Variants in RALGAPA2 observed in about 807,000 individuals in gnomAD.
The protein encoded by RALGAPA2 is Ral GTPase activating protein catalytic subunit alpha 2.
Under a neutral mutation model 230.4 loss-of-function variants are expected in RALGAPA2, and 139 were observed. That is an observed-to-expected ratio of 0.60 (90% CI 0.53 to 0.69). The LOEUF is 0.69. Among genes scored for constraint, RALGAPA2 ranks in the 30% least tolerant of loss-of-function variants. RALGAPA2 has a pLI of 0.00. For missense variants in RALGAPA2, 2,163 were observed against 2,276.0 expected (o/e 0.95, Z 1.01); for synonymous variants, 847 against 837.8 (o/e 1.01, Z -0.19).
intron 10 of RALGAPA2, among the ~76,000 whole-genome samples, chr20:20,625,719 T>G (rs1360064172): frequency 1.3e-5 from 2 of 152,180 alleles, no homozygotes; most frequent in Non-Finnish European, 2.9e-5. Context: ...ACTCACTAAG[T>G]TGGTTTCATG....
At chr20:20,405,429 C>A (rs1177284956) in intron 38 of RALGAPA2, among the ~76,000 whole-genome samples, 4 of 152,174 alleles carry the variant, frequency 2.6e-5, no homozygotes, top group East Asian at 1.9e-4. Context: ...CCTGCACAGT[C>A]CTGCTCAGTG....
intron 37 of RALGAPA2, among the ~76,000 whole-genome samples, chr20:20,414,003 C>T (rs554118773): frequency 2.6e-5 from 4 of 152,372 alleles, no homozygotes; most frequent in East Asian, 1.9e-4. Flanking sequence ...CGCCACGGCT[C>T]GGCCCTCCGT....
chr20:20,453,088 C>T (rs1268404804), intron 37 of RALGAPA2, among the ~76,000 whole-genome samples: 1 of 152,234 alleles, frequency 6.6e-6, no homozygotes, highest in African/African-American at 2.4e-5. Flanking sequence ...TGTGTTAAGA[C>T]ATTGCATTGC....
At chr20:20,581,675 G>C (rs1167433425) in intron 20 of RALGAPA2, among the ~76,000 whole-genome samples, 1 of 151,994 alleles carries the variant, frequency 6.6e-6, no homozygotes, top group Non-Finnish European at 1.5e-5. Context: ...AGTATTATTA[G>C]TCAAAATCAT....
chr20:20,436,042 A>G (rs1051620790), intron 37 of RALGAPA2, among the ~76,000 whole-genome samples: 2 of 152,220 alleles, frequency 1.3e-5, no homozygotes, highest in African/African-American at 4.8e-5. Context: ...TTAACCTGCA[A>G]AAGCAGCATT....
chr20:20,434,409 G>T (rs1426101447), intron 37 of RALGAPA2, among the ~76,000 whole-genome samples: 1 of 152,096 alleles, frequency 6.6e-6, no homozygotes, highest in Non-Finnish European at 1.5e-5. Flanking sequence ...AAAGCAAGCA[G>T]AAACACTCTC....
Position 20,390,312 on chromosome 20 carries a change from C to T in RALGAPA2, c.*2977G>A, listed in dbSNP as rs192064733. 2.0e-5 allele frequency: 3 copies of T among 152,318 alleles called. No homozygotes were observed. Among genetic ancestry groups the T allele is most frequent in the African/African-American group, 7.2e-5 (3 of 41,572 alleles). 9.4% of individuals were successfully genotyped at this position (152,318 alleles called of 1,614,324 possible). Reference sequence around the variant, plus strand: ...TCCCCAACATGTGGCTCTTAGGAACCGCAGACTTTGTTGCTGAGGCAACCC... The same window carrying T: ...TCCCCAACATGTGGCTCTTAGGAACTGCAGACTTTGTTGCTGAGGCAACCC... On this transcript the variant is annotated 3_prime_UTR_variant, in exon 40 of 40. Coordinates refer to ENST00000202677, the MANE Select transcript of RALGAPA2 (RefSeq NM_020343.4).
At chr20:20,597,617 G>A (rs1490322209) in intron 16 of RALGAPA2, among the ~76,000 whole-genome samples, 1 of 151,896 alleles carries the variant, frequency 6.6e-6, no homozygotes, top group Non-Finnish European at 1.5e-5. Context: ...GAGGCAGGTG[G>A]GTCACGAAGT....
chr20:20,404,588 C>T (rs1314087456), intron 38 of RALGAPA2, among the ~76,000 whole-genome samples: 2 of 152,118 alleles, frequency 1.3e-5, no homozygotes, highest in African/African-American at 2.4e-5. Flanking sequence ...CCCGGGGTGT[C>T]GGGAGCTTCA....
intron 37 of RALGAPA2, among the ~76,000 whole-genome samples, chr20:20,470,323 T>A (rs1323364534): frequency 6.6e-6 from 1 of 152,176 alleles, no homozygotes; most frequent in African/African-American, 2.4e-5. Flanking sequence ...TTAAATATTA[T>A]AAAAACTAAA....
intron 38 of RALGAPA2, among the ~76,000 whole-genome samples, chr20:20,408,799 AATTG>A (rs2059999633): frequency 6.6e-6 from 1 of 152,206 alleles, no homozygotes; most frequent in Admixed American, 6.5e-5. Context: ...TATATATGTT[AATTG>A]CAACCAATAT....
intron 37 of RALGAPA2, among the ~76,000 whole-genome samples, chr20:20,435,142 T>C (rs758848359): frequency 6.6e-5 from 10 of 152,212 alleles, no homozygotes; most frequent in Non-Finnish European, 1.3e-4. Flanking sequence ...AAGTGGTGGA[T>C]ACTGCAGACC....
At chr20:20,647,271 T>G (rs1377788940) in intron 4 of RALGAPA2, among the ~76,000 whole-genome samples, 2 of 152,186 alleles carry the variant, frequency 1.3e-5, no homozygotes, top group Non-Finnish European at 2.9e-5. Context: ...AATATCACAC[T>G]TCAAACCAAA....
intron 23 of RALGAPA2, among the ~76,000 whole-genome samples, chr20:20,547,744 T>C (rs1195259313): frequency 2.6e-5 from 4 of 152,184 alleles, no homozygotes; most frequent in Non-Finnish European, 4.4e-5. Context: ...CACACTGAAG[T>C]ACAGTCGTGT....
chr20:20,561,275 AT>A (rs2064249190), intron 23 of RALGAPA2, among the ~76,000 whole-genome samples: 1 of 152,212 alleles, frequency 6.6e-6, no homozygotes, highest in Non-Finnish European at 1.5e-5. Flanking sequence ...TGCTTCAGAC[AT>A]TTGAAAAAGG....
At chr20:20,461,572 T>G (rs1452232899) in intron 37 of RALGAPA2, among the ~76,000 whole-genome samples, 1 of 152,192 alleles carries the variant, frequency 6.6e-6, no homozygotes, top group African/African-American at 2.4e-5. Context: ...TACGCCTTCT[T>G]TAAATTCCAC....
intron 13 of RALGAPA2, among the ~76,000 whole-genome samples, chr20:20,612,327 G>T (rs568730065): frequency 1.2e-3 from 183 of 151,688 alleles, no homozygotes; most frequent in African/African-American, 4.4e-3. Context: ...TTCCTTTCAG[G>T]TTTCACATGC....
chr20:20,681,584 A>G (rs2068523209), intron 1 of RALGAPA2, among the ~76,000 whole-genome samples: 1 of 152,240 alleles, frequency 6.6e-6, no homozygotes, highest in Non-Finnish European at 1.5e-5. Flanking sequence ...TCCACTGTCA[A>G]CACACCTTTG....
intron 38 of RALGAPA2, among the ~76,000 whole-genome samples, chr20:20,403,592 G>A (rs1031648683): frequency 6.6e-6 from 1 of 152,112 alleles, no homozygotes; most frequent in Non-Finnish European, 1.5e-5. Context: ...TTGGGTCAGC[G>A]ACTGTCACCC....
Sources: allele counts gnomAD v4.1 joint callset (sites outside exome capture counted in the v4.1 genomes callset), GRCh38; gene constraint gnomAD v4.1.1; transcripts MANE v1.5; gene names NCBI Gene and HGNC (gene_info 2026-07-23, HGNC 2026-07-21).